Variants in LRRC4C observed in about 807,000 individuals in gnomAD.
The protein encoded by LRRC4C is leucine rich repeat containing 4C, also known as leucine-rich repeat-containing protein 4C.
Under a neutral mutation model 33.6 loss-of-function variants are expected in LRRC4C, and 5 were observed. The ratio of observed to expected loss-of-function variants is 0.15; its 90% CI spans 0.08 to 0.31. The LOEUF (loss-of-function observed/expected upper bound fraction) is 0.31. Ranked by LOEUF, LRRC4C falls within the 10% of genes least tolerant of loss-of-function variation. The probability of loss-of-function intolerance (pLI) is 1.00; values close to 1 mark genes in which losing one functional copy is unlikely to be tolerated. For missense variants in LRRC4C, 560 were observed against 796.7 expected, an observed-to-expected ratio of 0.70 and a Z score of 3.58; for synonymous variants, 329 against 302.0, an observed-to-expected ratio of 1.09 and a Z score of -0.93.
chr11:41,213,274 T>C (rs534534064), intron 1 of LRRC4C, among the ~76,000 whole-genome samples: 3 of 152,240 alleles, frequency 2.0e-5, no homozygotes, highest in Non-Finnish European at 4.4e-5. Context: ...AATTACTCCA[T>C]GAAATGATGT....
intron 1 of LRRC4C, among the ~76,000 whole-genome samples, chr11:41,289,293 C>T (rs1411914749): frequency 6.6e-6 from 1 of 152,052 alleles, no homozygotes; most frequent in Non-Finnish European, 1.5e-5. Context: ...ATTTTTCCAT[C>T]TCAAAAATAA....
intron 1 of LRRC4C, among the ~76,000 whole-genome samples, chr11:41,132,438 A>G (rs999197680): frequency 6.6e-6 from 1 of 152,150 alleles, no homozygotes; most frequent in African/African-American, 2.4e-5. Flanking sequence ...ATTTATAGAA[A>G]TGATGATATA....
At chr11:40,194,231 A>G (rs1862068658) in intron 5 of LRRC4C, among the ~76,000 whole-genome samples, 1 of 152,208 alleles carries the variant, frequency 6.6e-6, no homozygotes, top group Non-Finnish European at 1.5e-5. Flanking sequence ...CCACAAAGGG[A>G]AGCCCATCAG....
At chr11:40,647,126 G>C (rs953660166) in intron 3 of LRRC4C, among the ~76,000 whole-genome samples, 1 of 152,132 alleles carries the variant, frequency 6.6e-6, no homozygotes, top group Non-Finnish European at 1.5e-5. Context: ...CTTTTGGGAG[G>C]ATCATGAGTT....
intron 3 of LRRC4C, among the ~76,000 whole-genome samples, chr11:40,404,827 T>A (rs1388254998): frequency 4.6e-5 from 7 of 151,992 alleles, no homozygotes; most frequent in Non-Finnish European, 7.4e-5. Flanking sequence ...ATAAAACAAA[T>A]GTTATCATGT....
At chr11:41,291,567 A>T (rs1949993748) in intron 1 of LRRC4C, among the ~76,000 whole-genome samples, 1 of 152,206 alleles carries the variant, frequency 6.6e-6, no homozygotes, top group African/African-American at 2.4e-5. Flanking sequence ...AGAAATATGG[A>T]TAGAAATTGA....
rs1483257948 is a variant in LRRC4C, at chr11:41,190,676, A to G, written c.-495-256953T>C. ...TACATTTGTGTTCGTCTACACTTGC[A>G]TACACAAAAATATATCAGCAAACCA... On this transcript the variant is annotated intron_variant, in intron 1 of 6. Coordinates refer to ENST00000528697, the MANE Select transcript of LRRC4C (RefSeq NM_001258419.2). 3.3e-5 allele frequency among the ~76,000 whole-genome samples: 5 copies of G among 152,198 alleles called. No individual in the cohort carries two copies. The South Asian group carries it at 6.2e-4, about 19-fold the overall frequency.
intron 1 of LRRC4C, among the ~76,000 whole-genome samples, chr11:41,327,132 C>G (rs775646003): frequency 6.6e-6 from 1 of 152,140 alleles, no homozygotes. Flanking sequence ...CCCATTCTCT[C>G]TCTTTATATT....
intron 1 of LRRC4C, among the ~76,000 whole-genome samples, chr11:41,363,393 T>C (rs1447401088): frequency 2.0e-5 from 3 of 152,214 alleles, no homozygotes; most frequent in Non-Finnish European, 2.9e-5. Flanking sequence ...CTGTAAGATG[T>C]CTTAAAGGAA....
At chr11:40,933,572 C>T (rs1038883844) in intron 2 of LRRC4C, 63 bp downstream of exon 2, 4 of 151,108 alleles carry the variant, frequency 2.6e-5, no homozygotes, top group Non-Finnish European at 5.9e-5. Flanking sequence ...AGAACCATTT[C>T]TAGTCATATA....
intron 2 of LRRC4C, among the ~76,000 whole-genome samples, chr11:40,697,595 C>G (rs749401222): frequency 1.3e-5 from 2 of 152,176 alleles, no homozygotes; most frequent in African/African-American, 2.4e-5. Context: ...ATCTATTTTA[C>G]AACCTATGGA....
chr11:40,906,301 A>AG (rs1160051102), intron 2 of LRRC4C, among the ~76,000 whole-genome samples: 1 of 152,248 alleles, frequency 6.6e-6, no homozygotes, highest in African/African-American at 2.4e-5. Flanking sequence ...ACCTGAGGTC[A>AG]GGAGTTCGAG....
At chr11:40,362,176 G>A (rs1047539296) in intron 3 of LRRC4C, among the ~76,000 whole-genome samples, 17 of 152,058 alleles carry the variant, frequency 1.1e-4, no homozygotes, top group African/African-American at 4.1e-4. Context: ...AACAATATAG[G>A]CAATACCATT....
intron 2 of LRRC4C, among the ~76,000 whole-genome samples, chr11:40,921,123 A>G (rs1470150945): frequency 2.0e-5 from 3 of 151,894 alleles, no homozygotes; most frequent in Non-Finnish European, 4.4e-5. Flanking sequence ...AGGTCTCGCT[A>G]TGTTGTCAGG....
intron 1 of LRRC4C, among the ~76,000 whole-genome samples, chr11:40,988,486 A>G (rs937319722): frequency 5.9e-5 from 9 of 152,132 alleles, no homozygotes; most frequent in Non-Finnish European, 7.3e-5. Flanking sequence ...GTCATCAGCC[A>G]ATAAAACTAA....
At position 40,824,886 on chromosome 11, in the gene LRRC4C, C is replaced by A. The variant is rs114332145; in HGVS notation, c.-407+108749G>T. On this transcript the variant is annotated intron_variant, in intron 2 of 6. Coordinates refer to ENST00000528697, the MANE Select transcript of LRRC4C (RefSeq NM_001258419.2). The stretch of plus-strand genomic sequence containing the variant: ...ATTATGCCTTTTTACAATATACGTA[C>A]TAATATAAAAATGCGGCTGTCACTT... 1.5e-3 allele frequency among the ~76,000 whole-genome samples: 232 copies of A among 152,008 alleles called. 2 individuals carry two copies. Among genetic ancestry groups the A allele is most frequent in the African/African-American group, 5.4e-3 (224 of 41,482 alleles).
chr11:41,028,604 C>G (rs924396751), intron 1 of LRRC4C, among the ~76,000 whole-genome samples: 16 of 134,848 alleles, frequency 1.2e-4, no homozygotes, highest in African/African-American at 4.3e-4. Context: ...CACACACACA[C>G]ACTGAAATGG....
intron 2 of LRRC4C, among the ~76,000 whole-genome samples, chr11:40,924,499 AG>A (rs1454977162): frequency 6.7e-6 from 1 of 148,320 alleles, no homozygotes; most frequent in African/African-American, 2.4e-5. Context: ...AAGGCTGGGC[AG>A]GGAGGGGTGG....
intron 1 of LRRC4C, 91 bp from the exon 2 acceptor site, chr11:40,933,814 A>G (rs757191650): frequency 2.6e-5 from 4 of 152,242 alleles, no homozygotes; most frequent in Admixed American, 6.5e-5. Context: ...AAACTGACCT[A>G]ATGGAATAAC....
Sources: gnomAD v4.1 joint callset for allele counts (sites outside exome capture counted in the v4.1 genomes callset) on GRCh38, gnomAD v4.1.1 for gene constraint, MANE v1.5 for transcripts, NCBI Gene and HGNC (gene_info 2026-07-23, HGNC 2026-07-21) for gene names.